COL19A1: variants seen among roughly 807,000 people sequenced by gnomAD.
COL19A1 encodes collagen alpha-1(XIX) chain.
A neutral mutation model predicts 190.2 loss-of-function variants in COL19A1; 159 were observed. That is an observed-to-expected ratio of 0.84 (90% CI 0.73 to 0.95). The LOEUF is 0.95. COL19A1 is among the 40% of genes least tolerant of loss of function. COL19A1 has a pLI of 0.00. For missense variants in COL19A1, 1,418 were observed against 1,431.9 expected (o/e 0.99, Z 0.16); for synonymous variants, 509 against 458.9 (o/e 1.11, Z -1.39).
chr6:70,131,486 A>G (rs1374859801), intron 18 of COL19A1, among the ~76,000 whole-genome samples: 1 of 152,242 alleles, frequency 6.6e-6, no homozygotes, highest in African/African-American at 2.4e-5. Context: ...TAAAGGCTTG[A>G]CATTCTGAAA....
rs1774672219 is a variant in COL19A1, at chr6:69,959,988, T to C, written c.937-8T>C. On this transcript the variant is annotated splice_region_variant and splice_polypyrimidine_tract_variant and intron_variant, in intron 9 of 50. Transcript: ENST00000620364. ...GATCATAAACATTATTCTGTGTACT[T>C]CTTTTAGGGTGAAAATGGTTTACAT... The C allele has an allele frequency of 6.2e-7, 1 of 1,612,880 alleles. No individual in the cohort carries two copies. The highest frequency in any genetic ancestry group is 8.5e-7 in the Non-Finnish European group (1 of 1,179,450).
intron 4 of COL19A1, among the ~76,000 whole-genome samples, chr6:69,920,015 A>C (rs934741724): frequency 2.0e-5 from 3 of 152,178 alleles, no homozygotes; most frequent in Non-Finnish European, 2.9e-5. Context: ...TATAGGTCAC[A>C]TCAGAGGTTA....
At chr6:70,185,202 A>G (rs1031518254) in intron 46 of COL19A1, among the ~76,000 whole-genome samples, 2 of 152,220 alleles carry the variant, frequency 1.3e-5, no homozygotes, top group South Asian at 2.1e-4. Context: ...TCTCTACTAT[A>G]ACCATCACCC....
chr6:69,894,205 C>T (rs1039791466), intron 2 of COL19A1, among the ~76,000 whole-genome samples: 2 of 152,158 alleles, frequency 1.3e-5, no homozygotes, highest in African/African-American at 4.8e-5. Flanking sequence ...ACAGTAGTTT[C>T]AATTATGTGT....
intron 2 of COL19A1, 49 bp downstream of exon 2, chr6:69,879,707 T>G (rs372713529): frequency 4.0e-5 from 61 of 1,519,466 alleles, no homozygotes; most frequent in Non-Finnish European, 5.0e-5. Context: ...TTTATAGCCT[T>G]TAAGTCATTA....
chr6:70,093,947 A>G (rs1248975471), intron 15 of COL19A1, among the ~76,000 whole-genome samples: 2 of 152,174 alleles, frequency 1.3e-5, no homozygotes, highest in Non-Finnish European at 2.9e-5. Flanking sequence ...TCCCAGCCTC[A>G]ATAATGTTCA....
chr6:70,022,709 CTATT>C (rs1322372347), intron 11 of COL19A1, among the ~76,000 whole-genome samples: 1 of 152,096 alleles, frequency 6.6e-6, no homozygotes, highest in Non-Finnish European at 1.5e-5. Flanking sequence ...CTGGGTTTGT[CTATT>C]TATTAACTGT....
At chr6:70,069,623 T>C (rs1781435181) in intron 15 of COL19A1, among the ~76,000 whole-genome samples, 1 of 152,152 alleles carries the variant, frequency 6.6e-6, no homozygotes, top group Non-Finnish European at 1.5e-5. Flanking sequence ...GCTACTATTA[T>C]GGCCTAAGAT....
intron 11 of COL19A1, among the ~76,000 whole-genome samples, chr6:70,018,727 A>T (rs1174554000): frequency 1.3e-5 from 2 of 152,088 alleles, no homozygotes; most frequent in African/African-American, 4.8e-5. Context: ...TAAAGGGTGC[A>T]TGTTTTGAGC....
intron 24 of COL19A1, among the ~76,000 whole-genome samples, 162 bp from the exon 25 acceptor site, chr6:70,144,756 A>C (rs186454612): frequency 1.8e-4 from 27 of 152,284 alleles, no homozygotes; most frequent in African/African-American, 6.5e-4. Flanking sequence ...TTAGGTACTC[A>C]ATAAATATTA....
chr6:70,200,999 C>CT (rs1767513207), intron 49 of COL19A1, among the ~76,000 whole-genome samples: 2 of 152,074 alleles, frequency 1.3e-5, no homozygotes. Context: ...AAGTAGCCCT[C>CT]TATGTATACA....
intron 16 of COL19A1, among the ~76,000 whole-genome samples, chr6:70,120,485 AC>A (rs1022019596): frequency 1.3e-5 from 2 of 150,642 alleles, no homozygotes; most frequent in African/African-American, 4.9e-5. Context: ...TTGTGTAACA[AC>A]CCCCCCACTC....
chr6:70,144,265 T>A lies in COL19A1; in HGVS notation c.1680+2T>A, dbSNP rs765063120. ...AAACAAGGCATTAAAGGAGAAAAGG[T>A]ATAGTTTACATTTTCCTCATTTTAT... is the stretch of plus-strand genomic sequence containing the variant. On this transcript the variant is annotated splice_donor_variant, in intron 24 of 50. Coordinates refer to ENST00000620364, the MANE Select transcript of COL19A1 (RefSeq NM_001858.6). LOFTEE classifies it high-confidence loss of function. 1 of 1,611,310 alleles carries A rather than the reference T, an allele frequency of 6.2e-7. No homozygotes were observed. The highest frequency in any genetic ancestry group is 8.5e-7 in the Non-Finnish European group (1 of 1,178,148).
At chr6:70,022,520 C>T (rs1326820570) in intron 11 of COL19A1, among the ~76,000 whole-genome samples, 1 of 152,066 alleles carries the variant, frequency 6.6e-6, no homozygotes, top group East Asian at 1.9e-4. Context: ...TGTAGAAAGG[C>T]ATTTTCAAAA....
chr6:69,947,598 G>A (rs1470938816), intron 9 of COL19A1, among the ~76,000 whole-genome samples: 6 of 151,518 alleles, frequency 4.0e-5, no homozygotes, highest in Non-Finnish European at 5.9e-5. Flanking sequence ...AGTTTTTGTG[G>A]CATTCTAGCT....
At chr6:69,961,383 A>G (rs146447880) in intron 10 of COL19A1, among the ~76,000 whole-genome samples, 51 of 152,378 alleles carry the variant, frequency 3.3e-4, no homozygotes, top group Middle Eastern at 3.4e-3. Flanking sequence ...TTAATACAGC[A>G]TGTACTGCAT....
At chr6:69,954,403 C>G (rs1333899366) in intron 9 of COL19A1, among the ~76,000 whole-genome samples, 5 of 151,964 alleles carry the variant, frequency 3.3e-5, no homozygotes, top group Non-Finnish European at 7.4e-5. Context: ...AATTCGAGGA[C>G]TTAGCCCCAA....
At chr6:69,924,826 C>G (rs1475181021) in intron 4 of COL19A1, among the ~76,000 whole-genome samples, 1 of 152,182 alleles carries the variant, frequency 6.6e-6, no homozygotes, top group African/African-American at 2.4e-5. Context: ...TTGCATTTCT[C>G]TGATGGCCAG....
chr6:70,196,113 C>A (rs1767179999), intron 48 of COL19A1, among the ~76,000 whole-genome samples: 2 of 152,066 alleles, frequency 1.3e-5, no homozygotes, highest in African/African-American at 4.8e-5. Flanking sequence ...TATGAATCCA[C>A]CAAATGATGC....
Sources: allele counts gnomAD v4.1 joint callset (sites outside exome capture counted in the v4.1 genomes callset), GRCh38; gene constraint gnomAD v4.1.1; transcripts MANE v1.5; gene names NCBI Gene and HGNC (gene_info 2026-07-23, HGNC 2026-07-21).